NEDD4: variants seen among roughly 807,000 people sequenced by gnomAD.
NEDD4 encodes the protein E3 ubiquitin-protein ligase NEDD4.
A neutral mutation model predicts 144.9 loss-of-function variants in NEDD4; 99 were observed. The ratio of observed to expected loss-of-function variants is 0.68; its 90% CI spans 0.58 to 0.81. The LOEUF (loss-of-function observed/expected upper bound fraction) is 0.81, where lower values mean the gene tolerates loss of function less well. NEDD4 is among the 30% of genes least tolerant of loss of function. The probability of loss-of-function intolerance (pLI) is 0.00; values close to 1 mark genes in which losing one functional copy is unlikely to be tolerated. For missense variants in NEDD4, 985 were observed against 1,065.9 expected (o/e 0.92, Z 1.06); for synonymous variants, 318 against 350.6 (o/e 0.91, Z 1.04).
chr15:55,871,802 T>C (rs1436770977), intron 7 of NEDD4, among the ~76,000 whole-genome samples: 4 of 152,224 alleles, frequency 2.6e-5, no homozygotes, highest in African/African-American at 7.2e-5. Context: ...TGCTTTAGTT[T>C]GACCTTTTTG....
intron 17 of NEDD4, among the ~76,000 whole-genome samples, chr15:55,847,421 T>A (rs532852203): frequency 6.6e-6 from 1 of 152,084 alleles, no homozygotes. Flanking sequence ...CTCCAAGGAG[T>A]TGCCTTTTTG....
At position 55,846,936 on chromosome 15, in the gene NEDD4, G is replaced by C. The variant is rs749878041; in HGVS notation, c.1608+33C>G. 2.4e-6 allele frequency: 3 copies of C among 1,274,492 alleles called. No individual in the cohort carries two copies. The African/African-American group carries it at 4.4e-5, about 19-fold the overall frequency. The allele number at this position is 1,274,492 out of a possible 1,614,324, so 78.9% of individuals were successfully genotyped here. ...CATTACTTTCCATCTATATATTGATGACTCTTAAGTATTTATTATAAACAT... is the reference window on the plus strand; with the variant it reads ...CATTACTTTCCATCTATATATTGATCACTCTTAAGTATTTATTATAAACAT... On this transcript the variant is annotated intron_variant, in intron 18 of 28. Coordinates refer to ENST00000435532, the MANE Select transcript of NEDD4 (RefSeq NM_006154.4).
intron 5 of NEDD4, among the ~76,000 whole-genome samples, chr15:55,897,781 T>A (rs1203923298): frequency 6.6e-5 from 10 of 152,188 alleles, no homozygotes; most frequent in Non-Finnish European, 1.5e-4. Flanking sequence ...AGGGACTGAA[T>A]TGTGTTTGCT....
At chr15:55,835,676 C>T (rs1234435560) in intron 24 of NEDD4, among the ~76,000 whole-genome samples, 1 of 152,136 alleles carries the variant, frequency 6.6e-6, no homozygotes, top group Non-Finnish European at 1.5e-5. Context: ...CAGCTCTGAA[C>T]ACCACCACTA....
intron 4 of NEDD4, 119 bp from the exon 5 acceptor site, chr15:55,924,818 A>G: frequency 2.0e-6 from 2 of 981,420 alleles, no homozygotes; most frequent in South Asian, 1.4e-5. Context: ...CTGTAATCCC[A>G]GCACTTTGGG....
chr15:55,871,432 T>G (rs1274799410), intron 7 of NEDD4, among the ~76,000 whole-genome samples: 2 of 152,186 alleles, frequency 1.3e-5, no homozygotes, highest in African/African-American at 4.8e-5. Context: ...TTTTTAAAGA[T>G]AAAGACGCTA....
intron 1 of NEDD4, among the ~76,000 whole-genome samples, chr15:55,992,695 C>A (rs1422272520): frequency 6.6e-6 from 1 of 152,204 alleles, no homozygotes; most frequent in Non-Finnish European, 1.5e-5. Context: ...TACGACGGAA[C>A]AACCTTTCCA....
intron 5 of NEDD4, among the ~76,000 whole-genome samples, chr15:55,898,036 C>G (rs1173837466): frequency 1.3e-5 from 2 of 152,184 alleles, no homozygotes; most frequent in Non-Finnish European, 2.9e-5. Context: ...TGACATTACC[C>G]CACAATTAAA....
In NEDD4 at chr15:55,976,225, T is replaced by C. The variant is rs184947451; in HGVS notation, c.46-9679A>G. On this transcript the variant is annotated intron_variant, in intron 1 of 28. Coordinates refer to ENST00000435532, the MANE Select transcript of NEDD4 (RefSeq NM_006154.4). ...GGCAACCAAAGCATAACTGGACAAA[T>C]TGGATCACATCAACTTAAAAAGCTC... Among the ~76,000 whole-genome samples the C allele has an allele frequency of 1.7e-3, 266 of 152,274 alleles. 1 individual carries two copies. Among genetic ancestry groups the C allele is most frequent in the African/African-American group, 6.3e-3 (262 of 41,538 alleles).
At chr15:55,854,108 C>T (rs1309439249) in intron 12 of NEDD4, among the ~76,000 whole-genome samples, 1 of 152,064 alleles carries the variant, frequency 6.6e-6, no homozygotes. Context: ...CCGAGATCGC[C>T]TGGGCACTCC....
At chr15:55,988,450 T>G (rs2037931523) in intron 1 of NEDD4, among the ~76,000 whole-genome samples, 1 of 116,696 alleles carries the variant, frequency 8.6e-6, no homozygotes, top group South Asian at 2.9e-4. Context: ...AATGTGCACA[T>G]GTACACTAAA....
chr15:55,991,737 T>G (rs1448196414), intron 1 of NEDD4, among the ~76,000 whole-genome samples: 3 of 152,208 alleles, frequency 2.0e-5, no homozygotes, highest in African/African-American at 7.2e-5. Flanking sequence ...GTTCAGGAAA[T>G]CCACATTTCA....
intron 5 of NEDD4, among the ~76,000 whole-genome samples, chr15:55,882,439 C>A (rs1395792715): frequency 6.6e-6 from 1 of 152,158 alleles, no homozygotes; most frequent in Non-Finnish European, 1.5e-5. Context: ...CAACACCAGG[C>A]AGAACTCAGC....
Position 55,906,638 on chromosome 15 carries a change from G to C in NEDD4, c.291+18008C>G, listed in dbSNP as rs567783842. Reference sequence around the variant, plus strand: ...CACACACCGGGGCCTGTTGTGGGGTGGGGGGCTGGGGGAGGGATAGCATTA... The same window carrying C: ...CACACACCGGGGCCTGTTGTGGGGTCGGGGGCTGGGGGAGGGATAGCATTA... On this transcript the variant is annotated intron_variant, in intron 5 of 28. Coordinates refer to ENST00000435532, the MANE Select transcript of NEDD4 (RefSeq NM_006154.4). Among the ~76,000 whole-genome samples, 23 of 151,790 alleles carry C rather than the reference G, an allele frequency of 1.5e-4. No homozygotes were observed. The East Asian group carries it at 3.9e-3, about 26-fold the overall frequency.
At chr15:55,991,365 G>A (rs1182803859) in intron 1 of NEDD4, among the ~76,000 whole-genome samples, 2 of 152,120 alleles carry the variant, frequency 1.3e-5, no homozygotes, top group Non-Finnish European at 2.9e-5. Context: ...AAAATAAATG[G>A]CAAATGATAG....
rs117669478 is a variant in NEDD4, at chr15:55,926,004, T to C, written c.238-1305A>G. Among the ~76,000 whole-genome samples, 1,065 of 152,104 alleles carry C rather than the reference T, an allele frequency of 7.0e-3. 38 individuals carry two copies. In the East Asian group the frequency reaches 0.11, roughly 15 times the overall value. ...CATATACATATGTATCATATACATA[T>C]ACAGTATGTAAAATACATATACGTA... On this transcript the variant is annotated intron_variant, in intron 4 of 28. Transcript: ENST00000435532.
intron 23 of NEDD4, 92 bp downstream of exon 23, chr15:55,838,015 G>A: frequency 3.2e-6 from 3 of 947,488 alleles, no homozygotes; most frequent in Non-Finnish European, 4.8e-6. Flanking sequence ...TGAGATTCTG[G>A]ACAAGGGGAC....
chr15:55,894,013 T>C (rs1249405202), intron 5 of NEDD4, among the ~76,000 whole-genome samples: 1 of 152,098 alleles, frequency 6.6e-6, no homozygotes, highest in Non-Finnish European at 1.5e-5. Context: ...TCTTTCTATA[T>C]GTCAATGAGG....
intron 4 of NEDD4, among the ~76,000 whole-genome samples, chr15:55,928,120 C>T (rs547976297): frequency 6.7e-4 from 102 of 152,232 alleles, no homozygotes; most frequent in Non-Finnish European, 1.1e-3. Context: ...AGCGATTCTC[C>T]TGCCTCGACC....
Sources: gnomAD v4.1 joint callset for allele counts (sites outside exome capture counted in the v4.1 genomes callset) on GRCh38, gnomAD v4.1.1 for gene constraint, MANE v1.5 for transcripts, NCBI Gene and HGNC (gene_info 2026-07-23, HGNC 2026-07-21) for gene names.